Variants in ZNF782 observed in about 807,000 individuals in gnomAD.
ZNF782 encodes the protein zinc finger protein 782.
A neutral mutation model predicts 13.0 loss-of-function variants in ZNF782; 12 were observed. That is an observed-to-expected ratio of 0.92 (90% confidence interval 0.59 to 1.50). ZNF782 has a LOEUF of 1.50. ZNF782 is among the 40% of genes most tolerant of loss of function. The pLI is 0.00. For synonymous variants in ZNF782, 284 were observed against 283.0 expected (o/e 1.00, Z -0.04); for missense variants, 770 against 822.9 (o/e 0.94, Z 0.79).
chr9:96,842,528 A>C (rs1851218713), intron 4 of ZNF782, among the ~76,000 whole-genome samples: 2 of 152,124 alleles, frequency 1.3e-5, no homozygotes, highest in East Asian at 1.9e-4. Flanking sequence ...AAAAACAAAC[A>C]AAAAAAGATC....
chr9:96,831,712 C>CAAA (rs36042943), intron 4 of ZNF782, among the ~76,000 whole-genome samples: 1 of 113,814 alleles, frequency 8.8e-6, no homozygotes, highest in African/African-American at 2.9e-5. Flanking sequence ...GACTCTGTCT[C>CAAA]AAAAAAAAAA....
intron 5 of ZNF782, 31 bp from the exon 6 acceptor site, chr9:96,819,809 G>T: frequency 6.7e-7 from 1 of 1,501,142 alleles, no homozygotes; most frequent in Non-Finnish European, 8.9e-7. Context: ...CAAACTTTAT[G>T]ATATTTAACA....
chr9:96,922,768 C>T, the ZNF782 span, among the ~76,000 whole-genome samples: 5 of 151,262 alleles, frequency 3.3e-5, no homozygotes, highest in Admixed American at 1.3e-4. Flanking sequence ...AGCGAGACTC[C>T]GTCTCAAAAA....
chr9:96,861,679 T>C (rs953810530), intron 1 of ZNF782: 2 of 154,182 alleles, frequency 1.3e-5, no homozygotes, highest in Non-Finnish European at 2.9e-5. Flanking sequence ...CATCATTGAT[T>C]GTCAGAGAAA....
the ZNF782 span, among the ~76,000 whole-genome samples, chr9:96,886,724 A>G: frequency 6.6e-6 from 1 of 152,020 alleles, no homozygotes; most frequent in Non-Finnish European, 1.5e-5. Flanking sequence ...GGAGTTGGAG[A>G]CAAGCTTGGC....
At chr9:96,907,325 G>A in the ZNF782 span, among the ~76,000 whole-genome samples, 4 of 152,232 alleles carry the variant, frequency 2.6e-5, no homozygotes, top group South Asian at 4.1e-4. Context: ...AGTAGAATGC[G>A]GGTTGCCAGG....
the ZNF782 span, among the ~76,000 whole-genome samples, chr9:96,903,556 G>GTTGT: frequency 5.3e-5 from 4 of 75,468 alleles, no homozygotes; most frequent in Admixed American, 2.3e-4. Flanking sequence ...TTTTATGTTG[G>GTTGT]TTTTTTTTTT....
exon 1 of ZNF782, chr9:96,875,609 C>A (rs1301973744): frequency 2.2e-6 from 1 of 456,538 alleles, no homozygotes; most frequent in Non-Finnish European, 4.4e-6. Flanking sequence ...ATGCGCTTTC[C>A]CCAAGGTTCG....
At position 96,853,002 on chromosome 9, in the gene ZNF782, C is replaced by T. The variant is rs942621169; in HGVS notation, c.-194G>A. 2 of 152,606 alleles carry T rather than the reference C, an allele frequency of 1.3e-5. No individual in the cohort carries two copies. The highest frequency in any genetic ancestry group is 2.9e-5 in the Non-Finnish European group (2 of 68,052). 9.5% of individuals were successfully genotyped at this position (152,606 alleles called of 1,614,324 possible). ...CCACGGAAAACCCTTCATGTATCATCATGCATGGGATTCTATGAGGTAGGG... is the reference window on the plus strand; with the variant it reads ...CCACGGAAAACCCTTCATGTATCATTATGCATGGGATTCTATGAGGTAGGG... On this transcript the variant is annotated 5_prime_UTR_variant, in exon 2 of 6. The change abolishes an upstream ATG in the 5' untranslated region. Transcript: ENST00000481138.
At chr9:96,822,310 C>T (rs1016936720) in intron 5 of ZNF782, among the ~76,000 whole-genome samples, 1 of 151,974 alleles carries the variant, frequency 6.6e-6, no homozygotes, top group Non-Finnish European at 1.5e-5. Flanking sequence ...ATTGCATGGA[C>T]TCAATATATA....
At chr9:96,862,734 G>A (rs1267045332) in intron 1 of ZNF782, among the ~76,000 whole-genome samples, 2 of 152,244 alleles carry the variant, frequency 1.3e-5, no homozygotes, top group South Asian at 2.1e-4. Context: ...ACAAATAGGT[G>A]TACTTTGAAA....
At chr9:96,887,144 T>C in the ZNF782 span, among the ~76,000 whole-genome samples, 22 of 151,438 alleles carry the variant, frequency 1.5e-4, no homozygotes, top group African/African-American at 5.3e-4. Context: ...TGAAACCCCG[T>C]CTTTACTAAA....
the ZNF782 span, chr9:96,893,766 C>A: frequency 6.9e-6 from 1 of 145,884 alleles, no homozygotes; most frequent in Non-Finnish European, 1.5e-5. Context: ...TTTGGGAGGC[C>A]GAGGTGGGTG....
chr9:96,927,710 T>C, the ZNF782 span, among the ~76,000 whole-genome samples: 3 of 151,920 alleles, frequency 2.0e-5, no homozygotes, highest in Non-Finnish European at 4.4e-5. Context: ...GTAAATGTCA[T>C]ATGGATCATA....
chr9:96,883,533 C>T, the ZNF782 span, among the ~76,000 whole-genome samples: 9 of 151,978 alleles, frequency 5.9e-5, no homozygotes, highest in South Asian at 2.1e-4. Flanking sequence ...ACTAAAGGGA[C>T]GGAGGAGAAT....
upstream of ZNF782, among the ~76,000 whole-genome samples, chr9:96,857,210 G>A (rs116592725): frequency 8.4e-3 from 1,277 of 152,238 alleles, 18 homozygotes; most frequent in African/African-American, 0.029. Context: ...AATCCACACT[G>A]GGCCTGTGTG....
intron 4 of ZNF782, among the ~76,000 whole-genome samples, chr9:96,840,229 T>A (rs1279056513): frequency 6.6e-6 from 1 of 152,118 alleles, no homozygotes; most frequent in Non-Finnish European, 1.5e-5. Flanking sequence ...TCTTGCTTTC[T>A]TTGTTCCAGG....
the ZNF782 span, among the ~76,000 whole-genome samples, chr9:96,912,197 C>CA: frequency 1.0e-5 from 1 of 100,102 alleles, no homozygotes; most frequent in African/African-American, 4.2e-5. Context: ...AACTCCGTCT[C>CA]GAAAAAAAAA....
At chr9:96,883,700 G>A in the ZNF782 span, among the ~76,000 whole-genome samples, 1,718 of 152,090 alleles carry the variant, frequency 0.011, 47 homozygotes, top group African/African-American at 0.039. Flanking sequence ...AAAAACTAAC[G>A]ACATAAAAAA....
Sources: gnomAD v4.1 joint callset for allele counts (sites outside exome capture counted in the v4.1 genomes callset) on GRCh38, gnomAD v4.1.1 for gene constraint, MANE v1.5 for transcripts, NCBI Gene and HGNC (gene_info 2026-07-23, HGNC 2026-07-21) for gene names.